Variants in CEP192 observed in about 807,000 individuals in gnomAD.
CEP192 encodes centrosomal protein 192.
In CEP192, 151 loss-of-function variants were observed where a neutral mutation model predicts 271.8. The observed-to-expected ratio is 0.56, with a 90% CI of 0.49 to 0.64. The LOEUF (loss-of-function observed/expected upper bound fraction) is 0.64. Among genes scored for constraint, CEP192 ranks in the 30% least tolerant of loss-of-function variants. The pLI is 0.00. For missense variants in CEP192, 2,910 were observed against 3,020.5 expected (o/e 0.96, Z 0.86); for synonymous variants, 995 against 1,076.5 (o/e 0.92, Z 1.48).
chr18:13,065,267 T>C (rs1169127087), intron 21 of CEP192, among the ~76,000 whole-genome samples: 1 of 152,056 alleles, frequency 6.6e-6, no homozygotes, highest in East Asian at 1.9e-4. Context: ...GACAAGATAA[T>C]TTCCCAAGTG....
In CEP192 at chr18:13,082,254, G is replaced by T. The variant is rs572653064; in HGVS notation, c.5617-4763G>T. ...TCTGGGAGTCTAAGTCTCTTTGTAG[G>T]TCTCTGAGGACTTGCTTTACGAATC... is the stretch of plus-strand genomic sequence containing the variant. On this transcript the variant is annotated intron_variant, in intron 30 of 44. Coordinates refer to ENST00000506447, the MANE Select transcript of CEP192 (RefSeq NM_032142.4). Among the ~76,000 whole-genome samples, 3 of 152,128 alleles carry T rather than the reference G, an allele frequency of 2.0e-5. No individual in the cohort carries two copies. In the South Asian group the frequency reaches 6.2e-4, roughly 32 times the overall value.
In CEP192 at chr18:13,095,659, G is replaced by A; in HGVS notation, c.6411G>A (p.Leu2137=). 1 of 1,612,958 alleles carries A rather than the reference G, an allele frequency of 6.2e-7. No homozygotes were observed. The highest frequency in any genetic ancestry group is 8.5e-7 in the Non-Finnish European group (1 of 1,179,710). The change falls in exon 35 of 45, where the codon TTG becomes TTA. Residue 2137 remains leucine, a synonymous_variant. Coordinates refer to ENST00000506447, the MANE Select transcript of CEP192 (RefSeq NM_032142.4). The stretch of plus-strand genomic sequence containing the variant: ...CGTGGACTGTCCTACCCGAGCACTT[G>A]ATTCTGGTAGCTCCTTCTCCTTGTG... The part of the protein sequence containing the change: ...EEPWTVLPEH[L]ILVAPSPCDM...
chr18:13,073,734 C>A (rs2038129606), intron 30 of CEP192, among the ~76,000 whole-genome samples: 1 of 152,186 alleles, frequency 6.6e-6, no homozygotes, highest in East Asian at 1.9e-4. Context: ...AGAGTGCTGC[C>A]TCCAGTCTCT....
At chr18:13,001,401 C>T (rs1568260329) in intron 2 of CEP192, 56 bp from the exon 3 acceptor site, 4 of 1,275,130 alleles carry the variant, frequency 3.1e-6, no homozygotes, top group Non-Finnish European at 4.4e-6. Context: ...GTCATGATGA[C>T]ATTTAAATAT....
At chr18:13,030,923 G>A in intron 11 of CEP192, among the ~76,000 whole-genome samples, 1 of 152,170 alleles carries the variant, frequency 6.6e-6, no homozygotes. Context: ...TGTGACCTGA[G>A]CAAAGGAAAT....
chr18:13,004,342 A>G (rs1363755595), intron 3 of CEP192, among the ~76,000 whole-genome samples: 1 of 151,928 alleles, frequency 6.6e-6, no homozygotes, highest in African/African-American at 2.4e-5. Flanking sequence ...TGTTTGCGTG[A>G]TAATAGGAAT....
intron 1 of CEP192, among the ~76,000 whole-genome samples, chr18:12,996,308 A>G (rs1001525900): frequency 2.0e-5 from 3 of 151,626 alleles, no homozygotes; most frequent in African/African-American, 7.3e-5. Context: ...GGGGTGTGAG[A>G]GGGATCTCAG....
intron 3 of CEP192, among the ~76,000 whole-genome samples, chr18:13,004,080 A>T (rs1439782103): frequency 2.0e-5 from 3 of 152,238 alleles, no homozygotes; most frequent in African/African-American, 7.2e-5. Context: ...AGGGCAAAGA[A>T]TTGACCCTTG....
In CEP192 at chr18:13,080,153, GT is replaced by G. The variant is rs562815750; in HGVS notation, c.5617-6858del. Among the ~76,000 whole-genome samples the G allele has an allele frequency of 1.4e-3, 211 of 152,254 alleles. 2 individuals are homozygous for G. The highest frequency in any genetic ancestry group is 4.9e-3 in the African/African-American group (204 of 41,530). On this transcript the variant is annotated intron_variant, in intron 30 of 44. Coordinates refer to ENST00000506447, the MANE Select transcript of CEP192 (RefSeq NM_032142.4). ...TTGGTTCCATATGAACTTTAAAGTAGTTTTTTCCAATTCTGTGAAGAAAGTC... is the reference window on the plus strand; with the variant it reads ...TTGGTTCCATATGAACTTTAAAGTAGTTTTTCCAATTCTGTGAAGAAAGTC...
intron 40 of CEP192, 65 bp from the exon 41 acceptor site, chr18:13,113,521 G>A: frequency 6.7e-7 from 1 of 1,481,774 alleles, no homozygotes; most frequent in Non-Finnish European, 9.3e-7. Context: ...CTTTGAACTG[G>A]TGATCTAGCT....
intron 42 of CEP192, among the ~76,000 whole-genome samples, chr18:13,115,892 G>T (rs2040406953): frequency 6.6e-6 from 1 of 152,150 alleles, no homozygotes; most frequent in Non-Finnish European, 1.5e-5. Flanking sequence ...GAGAGTTGGG[G>T]GTGGAGGGGA....
intron 35 of CEP192, 32 bp from the exon 36 acceptor site, chr18:13,096,152 G>A: frequency 6.2e-7 from 1 of 1,608,498 alleles, no homozygotes; most frequent in African/African-American, 1.3e-5. Flanking sequence ...GTTGTTAAAT[G>A]TAAGTCACAT....
intron 18 of CEP192, among the ~76,000 whole-genome samples, chr18:13,055,564 C>T (rs1358573093): frequency 1.3e-5 from 2 of 152,176 alleles, no homozygotes; most frequent in African/African-American, 2.4e-5. Flanking sequence ...TTATTTTCCT[C>T]ATGGTATAAT....
Position 13,056,271 on chromosome 18 carries a change from T to C in CEP192, c.3681T>C (p.Pro1227=). 6.2e-7 allele frequency: 1 copy of C among 1,613,896 alleles called. No individual in the cohort carries two copies. Among genetic ancestry groups the C allele is most frequent in the African/African-American group, 1.3e-5 (1 of 75,076 alleles). Residue 1227 remains proline, a synonymous_variant, in exon 19 of 45, where the codon CCT becomes CCC. Transcript: ENST00000506447. ...CCACCTCTGAAAACCAGTGTACTCC[T>C]ATTCCCAGCAGCACAGTTCACAGCT... ...HQTTSENQCT[P]IPSSTVHSSV...
Position 13,087,182 on chromosome 18 carries a change from G to A in CEP192, c.5782G>A (p.Val1928Ile), listed in dbSNP as rs2038935907. 4.3e-6 allele frequency: 7 copies of A among 1,614,062 alleles called. No individual in the cohort carries two copies. The highest frequency in any genetic ancestry group is 5.9e-6 in the Non-Finnish European group (7 of 1,179,936). ...TGSRAAFVKA[V>I]GFKDSQKKVL... Reference sequence around the variant, plus strand: ...CTCCCGAGCAGCTTTTGTTAAAGCAGTAGGTTTTAAGGATTCTCAGAAAAA... The same window carrying A: ...CTCCCGAGCAGCTTTTGTTAAAGCAATAGGTTTTAAGGATTCTCAGAAAAA... The change falls in exon 31 of 45, where the codon GTA becomes ATA. Residue 1928 changes from valine to isoleucine, a missense_variant. Physicochemically the swap from Val to Ile is conservative, Grantham distance 29 (BLOSUM62 3). Coordinates refer to ENST00000506447, the MANE Select transcript of CEP192 (RefSeq NM_032142.4).
intron 4 of CEP192, among the ~76,000 whole-genome samples, chr18:13,009,856 T>G (rs1028236468): frequency 3.3e-5 from 5 of 151,892 alleles, no homozygotes; most frequent in African/African-American, 1.2e-4. Context: ...GCTCTCAAAT[T>G]AGATGTGGAG....
intron 11 of CEP192, among the ~76,000 whole-genome samples, chr18:13,032,154 G>A (rs572977677): frequency 2.0e-4 from 30 of 152,310 alleles, no homozygotes; most frequent in African/African-American, 7.2e-4. Context: ...GTTTGGGATA[G>A]TTCTTAGGAT....
intron 9 of CEP192, among the ~76,000 whole-genome samples, chr18:13,029,037 A>C (rs1455137715): frequency 2.0e-5 from 3 of 152,252 alleles, no homozygotes; most frequent in Non-Finnish European, 4.4e-5. Flanking sequence ...TTTCATTGGC[A>C]TGTGATACCA....
chr18:13,099,063 G>A (rs955459059), intron 36 of CEP192, among the ~76,000 whole-genome samples: 4 of 152,022 alleles, frequency 2.6e-5, no homozygotes, highest in East Asian at 3.9e-4. Context: ...GCCTGCAATC[G>A]CAGGCACTCG....
Sources: gnomAD v4.1 joint callset for allele counts (sites outside exome capture counted in the v4.1 genomes callset) on GRCh38, gnomAD v4.1.1 for gene constraint, MANE v1.5 for transcripts, NCBI Gene and HGNC (gene_info 2026-07-23, HGNC 2026-07-21) for gene names.